The following NKIRAS1 variants were observed in gnomAD, a reference collection of about 807,000 sequenced individuals.
NKIRAS1 encodes the protein NF-kappa-B inhibitor-interacting Ras-like protein 1.
NKIRAS1 carries 16 observed loss-of-function variants against 19.8 expected under a neutral mutation model. The ratio of observed to expected loss-of-function variants is 0.81; its 90% CI spans 0.55 to 1.23. The LOEUF is 1.23. Among genes scored for constraint, NKIRAS1 ranks in the 50% most tolerant of loss-of-function variants. The pLI, the probability that NKIRAS1 is intolerant of heterozygous loss-of-function variation, is 0.00. For missense variants in NKIRAS1, 184 were observed against 220.0 expected, an observed-to-expected ratio of 0.84 and a Z score of 1.04; for synonymous variants, 88 against 79.0, an observed-to-expected ratio of 1.11 and a Z score of -0.61.
intron 4 of NKIRAS1, 72 bp from the exon 5 acceptor site, chr3:23,893,409 T>G (rs1701631380): frequency 7.2e-7 from 1 of 1,382,980 alleles, no homozygotes; most frequent in South Asian, 1.4e-5. Flanking sequence ...AATGGAGACA[T>G]AAGGAAAATT....
At position 23,893,559 on chromosome 3, in the gene NKIRAS1, C is replaced by T. The variant is rs35752010; in HGVS notation, c.337-222G>A. 6.8e-3 allele frequency among the ~76,000 whole-genome samples: 1,032 copies of T among 152,172 alleles called. 11 individuals carry two copies. The highest frequency in any genetic ancestry group is 0.023 in the African/African-American group (972 of 41,506). Reference sequence around the variant, plus strand: ...TGCTGGCTCATGCCTATATTCCCAGCACTTTGGGAGGCCGAGGCTCGTGGA... The same window carrying T: ...TGCTGGCTCATGCCTATATTCCCAGTACTTTGGGAGGCCGAGGCTCGTGGA... On this transcript the variant is annotated intron_variant, in intron 4 of 4. Transcript: ENST00000425478.
intron 3 of NKIRAS1, among the ~76,000 whole-genome samples, chr3:23,902,787 G>C (rs1702647317): frequency 6.6e-6 from 1 of 152,190 alleles, no homozygotes; most frequent in Non-Finnish European, 1.5e-5. Flanking sequence ...AATCTCTGGG[G>C]AGTATAAAAT....
chr3:23,919,096 C>T, upstream of NKIRAS1: 1 of 784,354 alleles, frequency 1.3e-6, no homozygotes, highest in South Asian at 1.6e-5. Flanking sequence ...GTAAAAGACT[C>T]TTGTCTGGTG....
At chr3:23,912,361 C>T (rs537415645) in intron 1 of NKIRAS1, among the ~76,000 whole-genome samples, 23 of 151,912 alleles carry the variant, frequency 1.5e-4, no homozygotes, top group Non-Finnish European at 2.9e-4. Flanking sequence ...ACAAACAACC[C>T]CATCAAAAAG....
At chr3:23,920,767 A>G, upstream of NKIRAS1, 3 of 970,636 alleles carry the variant, frequency 3.1e-6, no homozygotes, top group Non-Finnish European at 2.4e-6. Flanking sequence ...TCACAAAAAA[A>G]GAAAAGATCT....
At chr3:23,913,718 A>T (rs1175764423) in intron 1 of NKIRAS1, among the ~76,000 whole-genome samples, 1 of 152,184 alleles carries the variant, frequency 6.6e-6, no homozygotes, top group African/African-American at 2.4e-5. Context: ...AACACAATAA[A>T]TGTACACCAG....
chr3:23,891,906 G>T lies in NKIRAS1; in HGVS notation c.*1189C>A, dbSNP rs1463199935. 2.0e-5 allele frequency: 3 copies of T among 152,048 alleles called. No homozygotes were observed. Among genetic ancestry groups the T allele is most frequent in the Non-Finnish European group, 4.4e-5 (3 of 68,012 alleles). The allele number at this position is 152,048 out of a possible 1,614,324, so 9.4% of individuals were successfully genotyped here. A position where few individuals can be genotyped will look rare whatever the true frequency, so the allele number is the denominator to read the frequency against. On this transcript the variant is annotated 3_prime_UTR_variant, in exon 5 of 5. Transcript: ENST00000425478. ...TCAATAACCGGGGGAAAAGGGTAAGGGGGTGAGTTAGTGTCTGGTAATTTT... is the reference window on the plus strand; with the variant it reads ...TCAATAACCGGGGGAAAAGGGTAAGTGGGTGAGTTAGTGTCTGGTAATTTT...
In NKIRAS1 at chr3:23,900,878, T is replaced by C. The variant is rs1157067163; in HGVS notation, c.266A>G (p.Asn89Ser). ...ADGFVLVYSVNNLESFQRVEL... is the reference protein window; with the variant it reads ...ADGFVLVYSVSNLESFQRVEL... Reference sequence around the variant, plus strand: ...CACTCTTTGAAAGGATTCAAGGTTATTCACACTGTACACAAGAACGAAGCC... The same window carrying C: ...CACTCTTTGAAAGGATTCAAGGTTACTCACACTGTACACAAGAACGAAGCC... The change falls in exon 4 of 5, where the codon AAT becomes AGT. Residue 89 changes from asparagine to serine, a missense_variant. Coordinates refer to ENST00000425478, the MANE Select transcript of NKIRAS1 (RefSeq NM_020345.4). 1 of 1,614,010 alleles carries C rather than the reference T, an allele frequency of 6.2e-7. No individual in the cohort carries two copies. The highest frequency in any genetic ancestry group is 1.7e-5 in the Admixed American group (1 of 60,026).
At chr3:23,910,970 C>T (rs1277991082) in intron 2 of NKIRAS1, 49 bp from the exon 3 acceptor site, 1 of 1,363,510 alleles carries the variant, frequency 7.3e-7, no homozygotes, top group Non-Finnish European at 1.0e-6. Context: ...TTGAAATTAA[C>T]CATTTCTTTT....
chr3:23,921,061 A>C (rs1251561480), upstream of NKIRAS1: 1 of 152,772 alleles, frequency 6.5e-6, no homozygotes, highest in Admixed American at 6.5e-5. Flanking sequence ...TCAGGCCTGT[A>C]ATCCTGGCAC....
chr3:23,895,026 T>C (rs1701845910), intron 4 of NKIRAS1, among the ~76,000 whole-genome samples: 1 of 152,170 alleles, frequency 6.6e-6, no homozygotes, highest in Non-Finnish European at 1.5e-5. Context: ...ACTCCCGTGG[T>C]CATATCCTAG....
At chr3:23,920,712 A>G (rs1705030977), upstream of NKIRAS1, 1 of 984,534 alleles carries the variant, frequency 1.0e-6, no homozygotes, top group Non-Finnish European at 1.2e-6. Context: ...ATTTCCAGGA[A>G]GTACTCATAG....
chr3:23,927,105 T>C lies in NKIRAS1; in HGVS notation c.-139-15655A>G, dbSNP rs181614900. Among the ~76,000 whole-genome samples, 170 of 152,352 alleles carry C rather than the reference T, an allele frequency of 1.1e-3. 1 individual carries two copies. Among genetic ancestry groups the C allele is most frequent in the African/African-American group, 3.7e-3 (153 of 41,584 alleles). ...CATCGATTTTAGTTATTCTTATTAA[T>C]GATGCAGTGAACATCATCACTATAC... On this transcript the variant is annotated intron_variant, in intron 1 of 4. Transcript: ENST00000421515. The surrounding 1 kb of genome is among the most constrained non-coding windows in gnomAD (Gnocchi z 4.0).
Position 23,891,736 on chromosome 3 carries a change from A to G in NKIRAS1, c.*1359T>C, listed in dbSNP as rs1701486816. On this transcript the variant is annotated 3_prime_UTR_variant, in exon 5 of 5. Transcript: ENST00000425478. Reference sequence around the variant, plus strand: ...ACACATACATTCATTACAGAATTTAAAAAGAATTGGTAACTGTTTGTACTA... The same window carrying G: ...ACACATACATTCATTACAGAATTTAGAAAGAATTGGTAACTGTTTGTACTA... 6.6e-6 allele frequency: 1 copy of G among 152,224 alleles called. No homozygotes were observed. Among genetic ancestry groups the G allele is most frequent in the Non-Finnish European group, 1.5e-5 (1 of 68,042 alleles). The allele number at this position is 152,224 out of a possible 1,614,324, so 9.4% of individuals were successfully genotyped here.
chr3:23,891,689 T>C lies in NKIRAS1; in HGVS notation c.*1406A>G, dbSNP rs548403019. ...CAGCAGTTCTGTTTCTGTATGTCTC[T>C]TTCAGAGAAACTTATCTGGATACAC... On this transcript the variant is annotated 3_prime_UTR_variant, in exon 5 of 5. Coordinates refer to ENST00000425478, the MANE Select transcript of NKIRAS1 (RefSeq NM_020345.4). 6.6e-6 allele frequency: 1 copy of C among 152,338 alleles called. No individual in the cohort carries two copies. The highest frequency in any genetic ancestry group is 2.4e-5 in the African/African-American group (1 of 41,570). 9.4% of individuals were successfully genotyped at this position (152,338 alleles called of 1,614,324 possible).
At chr3:23,901,531 T>C (rs1702520325) in intron 3 of NKIRAS1, among the ~76,000 whole-genome samples, 1 of 152,158 alleles carries the variant, frequency 6.6e-6, no homozygotes, top group Admixed American at 6.5e-5. Flanking sequence ...AAAATAAAAA[T>C]CCCCTTCTTG....
chr3:23,934,914 C>A (rs1239853145), intron 1 of NKIRAS1, among the ~76,000 whole-genome samples: 4 of 151,660 alleles, frequency 2.6e-5, no homozygotes, highest in Non-Finnish European at 5.9e-5. Flanking sequence ...CTTAAGAGAT[C>A]CATGCAATAA....
intron 4 of NKIRAS1, among the ~76,000 whole-genome samples, chr3:23,899,696 T>G (rs1274488841): frequency 6.6e-6 from 1 of 152,198 alleles, no homozygotes; most frequent in Non-Finnish European, 1.5e-5. Flanking sequence ...AGGCAGATAA[T>G]AAAGATGAGA....
At chr3:23,917,918 G>A (rs1272475070), upstream of NKIRAS1, 1 of 1,613,522 alleles carries the variant, frequency 6.2e-7, no homozygotes, top group Non-Finnish European at 8.5e-7. Context: ...GATGTCATGC[G>A]CTTTCTTCTG....
Sources: allele counts gnomAD v4.1 joint callset (sites outside exome capture counted in the v4.1 genomes callset), GRCh38; gene constraint gnomAD v4.1.1; non-coding constraint Gnocchi (gnomAD v3.1); transcripts MANE v1.5; gene names NCBI Gene and HGNC (gene_info 2026-07-23, HGNC 2026-07-21).